MACROD2: variants seen among roughly 807,000 people sequenced by gnomAD.
MACROD2 encodes the protein mono-ADP ribosylhydrolase 2.
In MACROD2, 36 loss-of-function variants were observed where a neutral mutation model predicts 70.4. That is an observed-to-expected ratio of 0.51 (90% CI 0.39 to 0.68). The LOEUF is 0.68. Among genes scored for constraint, MACROD2 ranks in the 30% least tolerant of loss-of-function variants. The pLI is 0.00. For missense variants in MACROD2, 496 were observed against 538.4 expected (o/e 0.92, Z 0.78); for synonymous variants, 172 against 178.8 (o/e 0.96, Z 0.30).
chr20:15,664,212 C>T (rs376410908), intron 8 of MACROD2, among the ~76,000 whole-genome samples: 3 of 152,246 alleles, frequency 2.0e-5, no homozygotes, highest in East Asian at 3.9e-4. Context: ...AGACAAGTCT[C>T]ACTTTGTTAA....
At chr20:15,854,008 G>A (rs1018523013) in intron 8 of MACROD2, among the ~76,000 whole-genome samples, 1 of 152,092 alleles carries the variant, frequency 6.6e-6, no homozygotes, top group African/African-American at 2.4e-5. Context: ...TGCGTGGGAG[G>A]CTGAAGTTCA....
At chr20:14,275,330 A>T (rs908687271) in intron 3 of MACROD2, among the ~76,000 whole-genome samples, 8 of 152,156 alleles carry the variant, frequency 5.3e-5, no homozygotes, top group Non-Finnish European at 1.2e-4. Context: ...AACGTCGCAT[A>T]TCTGCAAGTA....
rs551460060 is a variant in MACROD2, at chr20:14,493,230, T to C, written c.272-249T>C. Among the ~76,000 whole-genome samples, 13 of 152,060 alleles carry C rather than the reference T, an allele frequency of 8.5e-5. 1 individual carries two copies. In the South Asian group the frequency reaches 2.7e-3, roughly 32 times the overall value. On this transcript the variant is annotated intron_variant, in intron 3 of 17. Coordinates refer to ENST00000684519, the MANE Select transcript of MACROD2 (RefSeq NM_001351661.2). ...AAACAGTCTCAATTTGTGCTTAATT[T>C]TATTAGAAGGAAATATATTATAAAA...
At chr20:14,254,159 G>A (rs59461685) in intron 3 of MACROD2, among the ~76,000 whole-genome samples, 2,307 of 152,072 alleles carry the variant, frequency 0.015, 24 homozygotes, top group African/African-American at 0.027. Flanking sequence ...ACATTTATTA[G>A]TGAATTATTA....
chr20:15,129,070 A>G (rs1430918500), intron 5 of MACROD2, among the ~76,000 whole-genome samples: 1 of 152,016 alleles, frequency 6.6e-6, no homozygotes, highest in African/African-American at 2.4e-5. Flanking sequence ...TAACATTTAA[A>G]ATAAGAGACA....
chr20:15,003,260 C>T (rs1387999762), intron 5 of MACROD2, among the ~76,000 whole-genome samples: 1 of 152,152 alleles, frequency 6.6e-6, no homozygotes, highest in Non-Finnish European at 1.5e-5. Flanking sequence ...ATAAGACACA[C>T]AATTTATGTA....
intron 8 of MACROD2, among the ~76,000 whole-genome samples, chr20:15,733,151 T>C (rs2050969933): frequency 6.6e-6 from 1 of 152,198 alleles, no homozygotes; most frequent in South Asian, 2.1e-4. Flanking sequence ...ATAGAGTTTT[T>C]CATAGTATTC....
intron 4 of MACROD2, among the ~76,000 whole-genome samples, chr20:14,625,716 C>T (rs6074765): frequency 6.6e-6 from 1 of 152,226 alleles, no homozygotes; most frequent in Non-Finnish European, 1.5e-5. Flanking sequence ...GAGGAGCCAG[C>T]TAGTTGTCAA....
chr20:15,999,924 T>G (rs769923832), intron 15 of MACROD2, among the ~76,000 whole-genome samples: 1 of 152,070 alleles, frequency 6.6e-6, no homozygotes, highest in Non-Finnish European at 1.5e-5. Flanking sequence ...TGCCACGGAG[T>G]GTGGAGACTC....
At chr20:14,315,195 T>C (rs554325125) in intron 3 of MACROD2, among the ~76,000 whole-genome samples, 1 of 152,330 alleles carries the variant, frequency 6.6e-6, no homozygotes, top group East Asian at 1.9e-4. Flanking sequence ...CTACCACTTA[T>C]ACTGTGTTAT....
chr20:15,043,886 G>T (rs917510251), intron 5 of MACROD2, among the ~76,000 whole-genome samples: 11 of 152,252 alleles, frequency 7.2e-5, no homozygotes, highest in African/African-American at 2.6e-4. Flanking sequence ...CACAATTCAA[G>T]AATGGCCAGA....
chr20:15,971,794 C>G lies in MACROD2; in HGVS notation c.985+4164C>G, dbSNP rs191483356. Among the ~76,000 whole-genome samples the G allele has an allele frequency of 2.4e-4, 36 of 152,216 alleles. No individual in the cohort carries two copies. The East Asian group carries it at 5.4e-3, about 23-fold the overall frequency. ...GAAGTCTTTGTCTTCTGTCAGCATCCATGGAACTGTGGCTCAAGCAGGGTA... is the reference window on the plus strand; with the variant it reads ...GAAGTCTTTGTCTTCTGTCAGCATCGATGGAACTGTGGCTCAAGCAGGGTA... On this transcript the variant is annotated intron_variant, in intron 13 of 17. Transcript: ENST00000684519.
intron 6 of MACROD2, among the ~76,000 whole-genome samples, chr20:15,415,616 G>T (rs1333782875): frequency 6.6e-6 from 1 of 152,156 alleles, no homozygotes; most frequent in Admixed American, 6.5e-5. Context: ...GCAATCATAA[G>T]ATTGTGATGA....
rs182310132 is a variant in MACROD2, at chr20:14,535,728, T to C, written c.301+42220T>C. 3.0e-4 allele frequency among the ~76,000 whole-genome samples: 45 copies of C among 152,206 alleles called. 1 individual carries two copies. Among genetic ancestry groups the C allele is most frequent in the Admixed American group, 2.6e-3 (40 of 15,276 alleles). On this transcript the variant is annotated intron_variant, in intron 4 of 17. Transcript: ENST00000684519. The stretch of plus-strand genomic sequence containing the variant: ...GCTGTGATTTTACCAGGACCCTCAC[T>C]TTCCTTCACTTTCCTTGGATTAGAT...
At chr20:15,296,319 A>G (rs969820667) in intron 6 of MACROD2, among the ~76,000 whole-genome samples, 4 of 152,240 alleles carry the variant, frequency 2.6e-5, no homozygotes, top group African/African-American at 9.6e-5. Flanking sequence ...AGAGAGAGAC[A>G]GAAAAAGAAT....
chr20:14,807,357 G>A (rs900798160), intron 5 of MACROD2, among the ~76,000 whole-genome samples: 9 of 152,160 alleles, frequency 5.9e-5, no homozygotes, highest in African/African-American at 1.9e-4. Context: ...GGGCCTGACT[G>A]TTAGAAGGAA....
chr20:15,799,889 A>G (rs1219376089), intron 8 of MACROD2, among the ~76,000 whole-genome samples: 2 of 152,102 alleles, frequency 1.3e-5, no homozygotes, highest in Non-Finnish European at 2.9e-5. Flanking sequence ...ATTTCCACCA[A>G]TAGTTTATAA....
chr20:15,023,882 C>A (rs2075209756), intron 5 of MACROD2, among the ~76,000 whole-genome samples: 1 of 152,150 alleles, frequency 6.6e-6, no homozygotes, highest in Non-Finnish European at 1.5e-5. Flanking sequence ...TTCACTGGAG[C>A]ACACAGGCTG....
At chr20:14,774,204 T>G (rs1351904145) in intron 5 of MACROD2, among the ~76,000 whole-genome samples, 2 of 152,012 alleles carry the variant, frequency 1.3e-5, no homozygotes, top group Admixed American at 6.6e-5. Flanking sequence ...CTCTTATATG[T>G]ATATGCTTTT....
Sources: gnomAD v4.1 joint callset for allele counts (sites outside exome capture counted in the v4.1 genomes callset) on GRCh38, gnomAD v4.1.1 for gene constraint, MANE v1.5 for transcripts, NCBI Gene and HGNC (gene_info 2026-07-23, HGNC 2026-07-21) for gene names.